EXT1: variants seen among roughly 807,000 people sequenced by gnomAD.
EXT1 encodes the protein exostosin-1.
In EXT1, 20 loss-of-function variants were observed where a neutral mutation model predicts 82.5. That is an observed-to-expected ratio of 0.24 (90% CI 0.17 to 0.35). The LOEUF (loss-of-function observed/expected upper bound fraction) is 0.35, where lower values mean the gene tolerates loss of function less well. Among genes scored for constraint, EXT1 ranks in the 10% least tolerant of loss-of-function variants. EXT1 has a pLI of 1.00. For synonymous variants in EXT1, 348 were observed against 350.8 expected, an observed-to-expected ratio of 0.99 and a Z score of 0.09; for missense variants, 757 against 936.5, an observed-to-expected ratio of 0.81 and a Z score of 2.50.
intron 1 of EXT1, among the ~76,000 whole-genome samples, chr8:117,884,296 G>T (rs999310073): frequency 5.3e-5 from 8 of 152,158 alleles, no homozygotes; most frequent in African/African-American, 1.9e-4. Context: ...CCCCAAAGAA[G>T]AATGAAGGGG....
At chr8:118,058,069 G>A (rs1339411013) in intron 1 of EXT1, among the ~76,000 whole-genome samples, 2 of 151,578 alleles carry the variant, frequency 1.3e-5, no homozygotes, top group African/African-American at 4.8e-5. Flanking sequence ...AGTGGCTTCA[G>A]GAGTATATTC....
At chr8:118,054,061 T>C (rs1165068435) in intron 1 of EXT1, among the ~76,000 whole-genome samples, 1 of 152,124 alleles carries the variant, frequency 6.6e-6, no homozygotes, top group Non-Finnish European at 1.5e-5. Context: ...CTGTTAAACA[T>C]CCTATAATGT....
chr8:117,953,959 G>A (rs759664825), intron 1 of EXT1, among the ~76,000 whole-genome samples: 7 of 152,050 alleles, frequency 4.6e-5, no homozygotes, highest in Non-Finnish European at 5.9e-5. Flanking sequence ...GTTATTTACC[G>A]AAAGATTATT....
At chr8:118,048,025 T>TAAA (rs61039447) in intron 1 of EXT1, among the ~76,000 whole-genome samples, 9 of 145,434 alleles carry the variant, frequency 6.2e-5, no homozygotes, top group African/African-American at 2.3e-4. Context: ...GAATTAATAT[T>TAAA]AAAAAAAAAA....
intron 3 of EXT1, among the ~76,000 whole-genome samples, chr8:117,833,750 G>A (rs564803800): frequency 2.9e-4 from 44 of 152,190 alleles, no homozygotes; most frequent in African/African-American, 9.4e-4. Flanking sequence ...TATGGGTGGT[G>A]TTTTTTATTC....
At chr8:118,035,528 CA>C (rs989516770) in intron 1 of EXT1, among the ~76,000 whole-genome samples, 21 of 151,360 alleles carry the variant, frequency 1.4e-4, no homozygotes, top group African/African-American at 4.1e-4. Flanking sequence ...AAAGGTATTT[CA>C]AAAAAAACAG....
intron 1 of EXT1, among the ~76,000 whole-genome samples, chr8:118,059,645 C>T (rs1473739478): frequency 6.6e-6 from 1 of 152,248 alleles, no homozygotes; most frequent in Non-Finnish European, 1.5e-5. Context: ...CATCAGCATC[C>T]TGCAGTTCTG....
At chr8:117,922,779 A>C (rs1487716752) in intron 1 of EXT1, among the ~76,000 whole-genome samples, 1 of 152,156 alleles carries the variant, frequency 6.6e-6, no homozygotes, top group African/African-American at 2.4e-5. Context: ...GCTCCAGCCC[A>C]GTCCTAACCA....
At chr8:117,847,436 T>A (rs1311344226) in intron 1 of EXT1, among the ~76,000 whole-genome samples, 1 of 151,286 alleles carries the variant, frequency 6.6e-6, no homozygotes, top group East Asian at 1.9e-4. Context: ...AAATGTCATT[T>A]TCTCCCTGCA....
At chr8:117,884,074 A>G (rs2129926706) in intron 1 of EXT1, among the ~76,000 whole-genome samples, 1 of 152,320 alleles carries the variant, frequency 6.6e-6, no homozygotes, top group Non-Finnish European at 1.5e-5. Flanking sequence ...CTGCTTATGT[A>G]CATAGAGGTT....
intron 1 of EXT1, among the ~76,000 whole-genome samples, chr8:117,860,751 T>A (rs1812668239): frequency 6.6e-6 from 1 of 152,308 alleles, no homozygotes; most frequent in South Asian, 2.1e-4. Flanking sequence ...ATGGGAAGAT[T>A]TGGCAGCACT....
chr8:117,887,262 C>T (rs1477762301), intron 1 of EXT1, among the ~76,000 whole-genome samples: 3 of 152,104 alleles, frequency 2.0e-5, no homozygotes, highest in East Asian at 1.9e-4. Flanking sequence ...GAGATATTTC[C>T]TTCTCCTTGA....
intron 1 of EXT1, among the ~76,000 whole-genome samples, chr8:117,839,719 C>T (rs1812244414): frequency 6.6e-6 from 1 of 152,338 alleles, no homozygotes; most frequent in African/African-American, 2.4e-5. Flanking sequence ...TGACCACGTG[C>T]TTGATCCTCT....
At chr8:117,996,823 AC>A (rs1352117456) in intron 1 of EXT1, among the ~76,000 whole-genome samples, 1 of 152,230 alleles carries the variant, frequency 6.6e-6, no homozygotes, top group African/African-American at 2.4e-5. Flanking sequence ...ACACAATTGA[AC>A]ACTCAATCTC....
At chr8:118,049,636 T>C (rs73704897) in intron 1 of EXT1, among the ~76,000 whole-genome samples, 3,181 of 152,280 alleles carry the variant, frequency 0.021, 108 homozygotes, top group African/African-American at 0.073. Flanking sequence ...TATGTGTAAC[T>C]TAAGTCAGAA....
chr8:118,094,726 A>G (rs11984755), intron 1 of EXT1, among the ~76,000 whole-genome samples: 27,750 of 152,190 alleles, frequency 0.18, 3,040 homozygotes, highest in East Asian at 0.38. Context: ...CAGAGTCACC[A>G]TCTGAATTCA....
At chr8:117,975,603 C>G (rs1441009234) in intron 1 of EXT1, among the ~76,000 whole-genome samples, 2 of 152,076 alleles carry the variant, frequency 1.3e-5, no homozygotes, top group East Asian at 1.9e-4. Flanking sequence ...ATCACCACCC[C>G]CCACTCCCTT....
chr8:117,947,162 A>G (rs1814406028), intron 1 of EXT1, among the ~76,000 whole-genome samples: 1 of 152,156 alleles, frequency 6.6e-6, no homozygotes, highest in Non-Finnish European at 1.5e-5. Context: ...TAAACTAGGA[A>G]ATAAGCCACT....
At chr8:117,966,688 A>T (rs1238060510) in intron 1 of EXT1, among the ~76,000 whole-genome samples, 1 of 152,222 alleles carries the variant, frequency 6.6e-6, no homozygotes, top group Non-Finnish European at 1.5e-5. Flanking sequence ...CACAATCTAC[A>T]TGCAAACAAA....
Sources: gnomAD v4.1 joint callset for allele counts (sites outside exome capture counted in the v4.1 genomes callset) on GRCh38, gnomAD v4.1.1 for gene constraint, MANE v1.5 for transcripts, NCBI Gene and HGNC (gene_info 2026-07-23, HGNC 2026-07-21) for gene names.